Variants in PCDHA8 observed in about 807,000 individuals in gnomAD.
PCDHA8 encodes protocadherin alpha 8.
In PCDHA8, 53 loss-of-function variants were observed where a neutral mutation model predicts 61.8. The ratio of observed to expected loss-of-function variants is 0.86; its 90% CI spans 0.69 to 1.08. The LOEUF (loss-of-function observed/expected upper bound fraction) is 1.08. Among genes scored for constraint, PCDHA8 ranks in the 50% least tolerant of loss-of-function variants. The probability of loss-of-function intolerance (pLI) is 0.00; values close to 1 mark genes in which losing one functional copy is unlikely to be tolerated. For missense variants in PCDHA8, 1,293 were observed against 1,245.0 expected, an observed-to-expected ratio of 1.04 and a Z score of -0.58; for synonymous variants, 618 against 556.6, an observed-to-expected ratio of 1.11 and a Z score of -1.55.
intron 1 of PCDHA8, among the ~76,000 whole-genome samples, chr5:140,930,708 C>T (rs1554208021): frequency 2.0e-5 from 3 of 152,088 alleles, no homozygotes; most frequent in Admixed American, 2.0e-4. Flanking sequence ...AGTTATTCTT[C>T]CTCAAGTAAT....
Position 140,895,311 on chromosome 5 carries a change from C to T in PCDHA8, c.2394+51596C>T, listed in dbSNP as rs572826090. 2.0e-5 allele frequency among the ~76,000 whole-genome samples: 3 copies of T among 152,252 alleles called. No homozygotes were observed. The South Asian group carries it at 6.2e-4, about 32-fold the overall frequency. On this transcript the variant is annotated intron_variant, in intron 1 of 3. Transcript: ENST00000531613. ...GACCTTCGATTTCCCCCCTTCCACC[C>T]ATGACTATTGTTCTCAAATTGTTTT...
intron 1 of PCDHA8, chr5:140,853,431 T>A (rs115944296): frequency 0.015 from 15,010 of 985,262 alleles, 1,430 homozygotes; most frequent in Non-Finnish European, 0.017. Context: ...AGAGACACTT[T>A]CCTATTTTGC....
rs180990865 is a variant in PCDHA8 at position 140,858,241 on chromosome 5, G to C, written c.2394+14526G>C. 1.8e-3 allele frequency: 2,879 copies of C among 1,596,686 alleles called. 210 individuals carry two copies. In the African/African-American group the frequency reaches 0.035, roughly 19 times the overall value. On this transcript the variant is annotated intron_variant, in intron 1 of 3. Coordinates refer to ENST00000531613, the MANE Select transcript of PCDHA8 (RefSeq NM_018911.3). ...CGGCGCCCACCGAGGGCGCATGTGGGCCGGTGAAGCCCACGCTGGTGTGCT... is the reference window on the plus strand; with the variant it reads ...CGGCGCCCACCGAGGGCGCATGTGGCCCGGTGAAGCCCACGCTGGTGTGCT...
intron 1 of PCDHA8, among the ~76,000 whole-genome samples, chr5:140,886,563 C>CA (rs1344648100): frequency 6.6e-6 from 1 of 152,024 alleles, no homozygotes. Context: ...CACGGTGGCT[C>CA]ACGCCTGTAA....
intron 1 of PCDHA8, chr5:140,926,801 C>T: frequency 1.4e-6 from 2 of 1,451,506 alleles, no homozygotes; most frequent in Non-Finnish European, 9.0e-7. Flanking sequence ...GCGTGCTCTT[C>T]CCCGCGGCTC....
At chr5:140,952,970 T>C (rs2094826762) in intron 1 of PCDHA8, among the ~76,000 whole-genome samples, 1 of 152,000 alleles carries the variant, frequency 6.6e-6, no homozygotes, top group Non-Finnish European at 1.5e-5. Context: ...TACACACTTT[T>C]AAACAACAAG....
intron 1 of PCDHA8, chr5:140,929,048 G>A (rs782818540): frequency 1.9e-5 from 31 of 1,614,088 alleles, no homozygotes; most frequent in Middle Eastern, 1.6e-4. Flanking sequence ...CAGAGCTGCT[G>A]TCGCTCTACA....
intron 3 of PCDHA8, among the ~76,000 whole-genome samples, chr5:140,997,260 T>G (rs1364203100): frequency 6.6e-6 from 1 of 152,196 alleles, no homozygotes; most frequent in Admixed American, 6.5e-5. Flanking sequence ...GGTTCACTCT[T>G]CCAAATATTT....
chr5:141,004,402 A>T (rs2098165262), intron 3 of PCDHA8, among the ~76,000 whole-genome samples: 1 of 152,188 alleles, frequency 6.6e-6, no homozygotes, highest in African/African-American at 2.4e-5. Context: ...TGGAGGAGGC[A>T]CCTGACTAGA....
intron 3 of PCDHA8, among the ~76,000 whole-genome samples, chr5:140,989,765 C>T (rs2097359812): frequency 6.6e-6 from 1 of 152,166 alleles, no homozygotes; most frequent in South Asian, 2.1e-4. Context: ...ATATTCAGTT[C>T]AAGCACTGGC....
chr5:140,966,709 G>C, intron 1 of PCDHA8: 1 of 1,387,174 alleles, frequency 7.2e-7, no homozygotes. Context: ...CGTGGGGCAC[G>C]GCTGGGGAAG....
At chr5:140,945,838 G>A (rs1415502139) in intron 1 of PCDHA8, among the ~76,000 whole-genome samples, 2 of 151,896 alleles carry the variant, frequency 1.3e-5, no homozygotes, top group African/African-American at 4.8e-5. Context: ...AACTCAAAAT[G>A]GATTAAAGAC....
At chr5:140,894,043 C>G (rs1562874850) in intron 1 of PCDHA8, among the ~76,000 whole-genome samples, 1 of 152,050 alleles carries the variant, frequency 6.6e-6, no homozygotes, top group Non-Finnish European at 1.5e-5. Flanking sequence ...AATGTAAGTC[C>G]TCTGTTGAAT....
chr5:140,994,141 C>T (rs782520855), intron 3 of PCDHA8, among the ~76,000 whole-genome samples: 1 of 152,256 alleles, frequency 6.6e-6, no homozygotes, highest in African/African-American at 2.4e-5. Context: ...TAATGCCCTA[C>T]GTAGGTAGGG....
At chr5:140,925,108 G>GAAGGAA (rs2082318586) in intron 1 of PCDHA8, among the ~76,000 whole-genome samples, 1 of 124,702 alleles carries the variant, frequency 8.0e-6, no homozygotes, top group African/African-American at 3.3e-5. Context: ...GAAGGAAGGA[G>GAAGGAA]GGAAGGAAGG....
intron 1 of PCDHA8, chr5:140,883,325 A>C: frequency 6.2e-7 from 1 of 1,614,118 alleles, no homozygotes; most frequent in Non-Finnish European, 8.5e-7. Context: ...GGTTACCATC[A>C]CTTCTTTGTC....
intron 1 of PCDHA8, among the ~76,000 whole-genome samples, chr5:140,871,786 T>G (rs2053308227): frequency 6.6e-6 from 1 of 152,224 alleles, no homozygotes; most frequent in African/African-American, 2.4e-5. Flanking sequence ...GTCACTTGAG[T>G]AGAAATAATT....
At chr5:140,922,910 A>C (rs1418606862) in intron 1 of PCDHA8, among the ~76,000 whole-genome samples, 4 of 152,228 alleles carry the variant, frequency 2.6e-5, no homozygotes, top group Admixed American at 2.6e-4. Flanking sequence ...TTGAGATACA[A>C]ATAAACTTCA....
At chr5:140,873,861 A>AT (rs1198117759) in intron 1 of PCDHA8, among the ~76,000 whole-genome samples, 1 of 152,162 alleles carries the variant, frequency 6.6e-6, no homozygotes, top group Non-Finnish European at 1.5e-5. Context: ...GGTTTTCACC[A>AT]TGTTGGCCAG....
Sources: allele counts gnomAD v4.1 joint callset (sites outside exome capture counted in the v4.1 genomes callset), GRCh38; gene constraint gnomAD v4.1.1; transcripts MANE v1.5; gene names NCBI Gene and HGNC (gene_info 2026-07-23, HGNC 2026-07-21).